Variants in SLC20A2 observed in about 807,000 individuals in gnomAD.
The protein encoded by SLC20A2 is solute carrier family 20 member 2.
Under a neutral mutation model 61.0 loss-of-function variants are expected in SLC20A2, and 30 were observed. The ratio of observed to expected loss-of-function variants is 0.49; its 90% CI spans 0.37 to 0.67. The LOEUF is 0.67. SLC20A2 is among the 30% of genes least tolerant of loss of function. SLC20A2 has a pLI of 0.00. For synonymous variants in SLC20A2, 351 were observed against 353.3 expected, an observed-to-expected ratio of 0.99 and a Z score of 0.07; for missense variants, 626 against 866.4, an observed-to-expected ratio of 0.72 and a Z score of 3.48.
At chr8:42,532,391 A>G (rs1216187256) in intron 1 of SLC20A2, among the ~76,000 whole-genome samples, 1 of 152,094 alleles carries the variant, frequency 6.6e-6, no homozygotes, top group Non-Finnish European at 1.5e-5. Context: ...GGTGTTCTTT[A>G]ATCTTTCAAG....
chr8:42,463,154 T>C, intron 3 of SLC20A2, 64 bp from the exon 4 acceptor site: 2 of 908,500 alleles, frequency 2.2e-6, no homozygotes, highest in Non-Finnish European at 3.4e-6. Flanking sequence ...GTCCTATTCA[T>C]AGAACACAAT....
rs1253260874 is a variant in SLC20A2 at position 42,533,654 on chromosome 8, C to CTTTTTTTCTTTTCTTTTTTTTTT, written c.-265+8166_-265+8167insAAAAAAAAAAGAAAAGAAAAAAA. On this transcript the variant is annotated intron_variant, in intron 1 of 10. Transcript: ENST00000342228. ...TTAATGGCCTTAATGATCAACTGTT[C>CTTTTTTTCTTTTCTTTTTTTTTT]TTTTTTTTTTTTTTTTTTTTTTGAG... Among the ~76,000 whole-genome samples, 107 of 55,272 alleles carry CTTTTTTTCTTTTCTTTTTTTTTT rather than the reference C, an allele frequency of 1.9e-3. 5 individuals are homozygous for CTTTTTTTCTTTTCTTTTTTTTTT. Among genetic ancestry groups the CTTTTTTTCTTTTCTTTTTTTTTT allele is most frequent in the African/African-American group, 8.4e-3 (104 of 12,360 alleles). The allele number at this position is 55,272 out of a possible 152,430, so 36.3% of individuals were successfully genotyped here.
At chr8:42,533,477 T>G (rs1421278750) in intron 1 of SLC20A2, among the ~76,000 whole-genome samples, 1 of 151,664 alleles carries the variant, frequency 6.6e-6, no homozygotes. Context: ...TTAGCTGGGC[T>G]TAGTGGCGCA....
At chr8:42,473,560 T>C (rs552644106) in intron 1 of SLC20A2, among the ~76,000 whole-genome samples, 1 of 152,258 alleles carries the variant, frequency 6.6e-6, no homozygotes, top group African/African-American at 2.4e-5. Context: ...AAGAGAGGAC[T>C]TCCCTGACCC....
Position 42,530,750 on chromosome 8 carries a change from C to CT in SLC20A2, c.-265+11070dup, listed in dbSNP as rs563985625. On this transcript the variant is annotated intron_variant, in intron 1 of 10. Coordinates refer to the SLC20A2 transcript ENST00000342228. ...GTTTTGTTTTTGAGACAGTCTTACT[C>CT]TGTCACCCAGGCTGGAGTGCAGTGG... 1.7e-4 allele frequency among the ~76,000 whole-genome samples: 26 copies of CT among 152,314 alleles called. No homozygotes were observed. The South Asian group carries it at 3.7e-3, about 22-fold the overall frequency.
chr8:42,492,410 A>G (rs1424942717), intron 1 of SLC20A2, among the ~76,000 whole-genome samples: 1 of 152,216 alleles, frequency 6.6e-6, no homozygotes, highest in East Asian at 1.9e-4. Context: ...TTCACTTCCT[A>G]AGGAAGTAAT....
At chr8:42,533,651 G>GTTTTTTTTTTTTTTTTTTTTTTTT (rs1554577829) in intron 1 of SLC20A2, among the ~76,000 whole-genome samples, 2 of 89,728 alleles carry the variant, frequency 2.2e-5, no homozygotes, top group African/African-American at 9.6e-5. Context: ...ATGATCAACT[G>GTTTTTTTTTTTTTTTTTTTTTTTT]TTCTTTTTTT....
rs754838969 is a variant in SLC20A2 at position 42,437,391 on chromosome 8, T to C, written c.1121A>G (p.Glu374Gly). ...DRGPEEKPAQ[E>G]SNYRLLRRNN... Reference sequence around the variant, plus strand: ...TCGGCGCAGCAGCCGGTAGTTGCTTTCCTGGGCTGGCTTCTCCTCGGGGCC... The same window carrying C: ...TCGGCGCAGCAGCCGGTAGTTGCTTCCCTGGGCTGGCTTCTCCTCGGGGCC... Residue 374 changes from glutamate (E) to glycine (G), a missense_variant, in exon 8 of 11, where the codon GAA becomes GGA. Physicochemically the swap from Glu to Gly is moderately conservative, Grantham distance 98. Coordinates refer to ENST00000520262, the MANE Select transcript of SLC20A2 (RefSeq NM_001257180.2). This position sits in a 1 kb window ranked among gnomAD's most constrained non-coding sequence, Gnocchi z 6.4. The C allele has an allele frequency of 6.2e-7, 1 of 1,614,048 alleles. No homozygotes were observed. The highest frequency in any genetic ancestry group is 8.5e-7 in the Non-Finnish European group (1 of 1,180,016).
rs1370147890 is a variant in SLC20A2 at position 42,522,872 on chromosome 8, T to C, written c.-265+18949A>G. On this transcript the variant is annotated intron_variant, in intron 1 of 10. Transcript: ENST00000342228. ...GGTATGCATCACCACACCTGGCTAATAATAATAAAAAAAAAAAATCTGTAG... is the reference window on the plus strand; with the variant it reads ...GGTATGCATCACCACACCTGGCTAACAATAATAAAAAAAAAAAATCTGTAG... Among the ~76,000 whole-genome samples, 3 of 91,476 alleles carry C rather than the reference T, an allele frequency of 3.3e-5. No individual in the cohort carries two copies. In the East Asian group the frequency reaches 9.7e-4, roughly 30 times the overall value. 60.0% of individuals were successfully genotyped at this position (91,476 alleles called of 152,430 possible). A position where few individuals can be genotyped will look rare whatever the true frequency, so the allele number is the denominator to read the frequency against.
At chr8:42,426,075 A>C (rs773084519) in intron 10 of SLC20A2, among the ~76,000 whole-genome samples, 2 of 152,160 alleles carry the variant, frequency 1.3e-5, no homozygotes, top group Non-Finnish European at 2.9e-5. Context: ...CAGGTATTTT[A>C]GGATAATGAT....
chr8:42,528,517 TTTTTCAAGG>T (rs528473749), intron 1 of SLC20A2, among the ~76,000 whole-genome samples: 1 of 152,034 alleles, frequency 6.6e-6, no homozygotes, highest in Non-Finnish European at 1.5e-5. Context: ...CAAATTTTAC[TTTTTCAAGG>T]GGAAATATTT....
chr8:42,466,696 C>T (rs557852263), intron 2 of SLC20A2, among the ~76,000 whole-genome samples: 5 of 151,254 alleles, frequency 3.3e-5, no homozygotes, highest in East Asian at 3.9e-4. Context: ...GTAGAGACAG[C>T]GTCTCACTCT....
intron 6 of SLC20A2, among the ~76,000 whole-genome samples, chr8:42,444,035 C>T (rs1805017262): frequency 6.6e-6 from 1 of 152,162 alleles, no homozygotes; most frequent in South Asian, 2.1e-4. Flanking sequence ...ACCCATTTGC[C>T]TGCTGACCAA....
At chr8:42,469,571 A>G (rs529843366) in intron 2 of SLC20A2, among the ~76,000 whole-genome samples, 46 of 152,256 alleles carry the variant, frequency 3.0e-4, no homozygotes, top group African/African-American at 9.4e-4. Flanking sequence ...TCCCTAACAA[A>G]TTTCTTTAAT....
rs1802693060 is a variant in SLC20A2, at chr8:42,416,726, C to T, written c.*1077G>A. On this transcript the variant is annotated 3_prime_UTR_variant, in exon 11 of 11. Coordinates refer to ENST00000520262, the MANE Select transcript of SLC20A2 (RefSeq NM_001257180.2). ...TACTCCATCCAGCATCCAGGATTCT[C>T]CCTCCCTCTCATCCCTGAAGTGCTA... The T allele has an allele frequency of 1.3e-5, 2 of 152,636 alleles. No individual in the cohort carries two copies. Among genetic ancestry groups the T allele is most frequent in the Non-Finnish European group, 2.9e-5 (2 of 68,058 alleles). The allele number at this position is 152,636 out of a possible 1,614,324, so 9.5% of individuals were successfully genotyped here.
At chr8:42,470,448 G>A (rs532137885) in intron 2 of SLC20A2, among the ~76,000 whole-genome samples, 1 of 151,496 alleles carries the variant, frequency 6.6e-6, no homozygotes, top group South Asian at 2.1e-4. Context: ...CAAACTCCTG[G>A]GATCAAGTGG....
chr8:42,453,527 C>T (rs928514673), intron 5 of SLC20A2, among the ~76,000 whole-genome samples: 5 of 152,086 alleles, frequency 3.3e-5, no homozygotes, highest in Non-Finnish European at 7.3e-5. Flanking sequence ...TAGGACACCA[C>T]GGCTATTAAT....
intron 1 of SLC20A2, among the ~76,000 whole-genome samples, chr8:42,476,044 G>A (rs1808059740): frequency 6.7e-6 from 1 of 150,320 alleles, no homozygotes; most frequent in African/African-American, 2.4e-5. Flanking sequence ...CTGACCACAG[G>A]TGCGCTTTTG....
At chr8:42,434,577 G>T (rs559795689) in intron 8 of SLC20A2, among the ~76,000 whole-genome samples, 2 of 152,170 alleles carry the variant, frequency 1.3e-5, no homozygotes, top group Non-Finnish European at 2.9e-5. Flanking sequence ...CTGAGCATCA[G>T]ATCCCATCTC....
Sources: gnomAD v4.1 joint callset for allele counts (sites outside exome capture counted in the v4.1 genomes callset) on GRCh38, gnomAD v4.1.1 for gene constraint, Gnocchi (gnomAD v3.1) non-coding constraint, MANE v1.5 for transcripts, NCBI Gene and HGNC (gene_info 2026-07-23, HGNC 2026-07-21) for gene names.